Variants in PRKD2 observed in about 807,000 individuals in gnomAD.
PRKD2 encodes serine/threonine-protein kinase D2.
A neutral mutation model predicts 86.0 loss-of-function variants in PRKD2; 22 were observed. The observed-to-expected ratio is 0.26, with a 90% CI of 0.18 to 0.37. PRKD2 has a LOEUF of 0.37. Among genes scored for constraint, PRKD2 ranks in the 10% least tolerant of loss-of-function variants. PRKD2 has a pLI of 1.00. For synonymous variants in PRKD2, 509 were observed against 510.9 expected, an observed-to-expected ratio of 1.00 and a Z score of 0.05; for missense variants, 818 against 1,199.2, an observed-to-expected ratio of 0.68 and a Z score of 4.70.
chr19:46,678,378 T>C lies in PRKD2; in HGVS notation c.2338+18A>G. The C allele has an allele frequency of 6.2e-7, 1 of 1,611,378 alleles. No individual in the cohort carries two copies. Among genetic ancestry groups the C allele is most frequent in the Non-Finnish European group, 8.5e-7 (1 of 1,179,168 alleles). On this transcript the variant is annotated intron_variant, in intron 16 of 17. Transcript: ENST00000291281. This position sits in a 1 kb window ranked among gnomAD's most constrained non-coding sequence, Gnocchi z 5.7. ...CCCCACAACCCACCCGCCCATGGGGTAGGCGGGCCCCAGGCACCTCCAGCT... is the reference window on the plus strand; with the variant it reads ...CCCCACAACCCACCCGCCCATGGGGCAGGCGGGCCCCAGGCACCTCCAGCT...
intron 7 of PRKD2, among the ~76,000 whole-genome samples, chr19:46,699,334 C>A (rs940317244): frequency 7.2e-5 from 11 of 152,222 alleles, no homozygotes; most frequent in African/African-American, 2.2e-4. Flanking sequence ...ATTACCAATA[C>A]CCGATGCTAT....
chr19:46,708,809 C>T (rs144481895), intron 3 of PRKD2, among the ~76,000 whole-genome samples: 133 of 152,238 alleles, frequency 8.7e-4, no homozygotes, highest in African/African-American at 3.1e-3. Flanking sequence ...TTAAGCCACG[C>T]AGGGTGGTAT....
chr19:46,697,375 A>AC (rs1235138445), intron 8 of PRKD2, 141 bp from the exon 9 acceptor site: 2 of 608,100 alleles, frequency 3.3e-6, no homozygotes, highest in Non-Finnish European at 5.7e-6. Context: ...CCGTAACCCC[A>AC]CCCCACCACA....
At chr19:46,685,525 CAGAGAGAG>C (rs141157195) in intron 14 of PRKD2, 1 of 150,022 alleles carries the variant, frequency 6.7e-6, no homozygotes, top group African/African-American at 2.4e-5. Flanking sequence ...CAGAAATCTG[CAGAGAGAG>C]AGAGAGAGAG....
chr19:46,692,442 G>GTC (rs2053496963), intron 10 of PRKD2, among the ~76,000 whole-genome samples: 1 of 152,006 alleles, frequency 6.6e-6, no homozygotes, highest in South Asian at 2.1e-4. Flanking sequence ...CCATTTGAAT[G>GTC]TCTCTCTCTT....
intron 2 of PRKD2, among the ~76,000 whole-genome samples, 171 bp from the exon 3 acceptor site, chr19:46,711,209 C>T (rs1001489394): frequency 2.0e-5 from 3 of 152,108 alleles, no homozygotes; most frequent in African/African-American, 7.2e-5. Context: ...CCAGCTCCAC[C>T]CCTGAACAAA....
chr19:46,681,399 C>T (rs540813064), intron 15 of PRKD2, among the ~76,000 whole-genome samples: 11 of 151,912 alleles, frequency 7.2e-5, no homozygotes, highest in Middle Eastern at 3.4e-3. Flanking sequence ...GGACTATAGG[C>T]GCACGCCACC....
chr19:46,709,947 G>C (rs1268830272), intron 3 of PRKD2, among the ~76,000 whole-genome samples: 1 of 151,856 alleles, frequency 6.6e-6, no homozygotes, highest in Non-Finnish European at 1.5e-5. Flanking sequence ...CACCAGGCTG[G>C]AGTGCAGTGG....
intron 13 of PRKD2, among the ~76,000 whole-genome samples, 186 bp from the exon 14 acceptor site, chr19:46,689,884 G>C (rs561496566): frequency 6.6e-6 from 1 of 152,266 alleles, no homozygotes; most frequent in South Asian, 2.1e-4. Flanking sequence ...CACCTGCCAG[G>C]TGCCCAGAAG....
In PRKD2 at chr19:46,678,768, T is replaced by C. The variant is rs2122556184; in HGVS notation, c.2071-105A>G. On this transcript the variant is annotated intron_variant, in intron 15 of 17. Coordinates refer to ENST00000291281, the MANE Select transcript of PRKD2 (RefSeq NM_016457.5). This position sits in a 1 kb window ranked among gnomAD's most constrained non-coding sequence, Gnocchi z 5.7. ...TGGTATTCCAGAGAAAGCTGGATGC[T>C]GGTTTGAATCCAGGCTCCTTGGCTC... 2.2e-6 allele frequency: 3 copies of C among 1,359,204 alleles called. No individual in the cohort carries two copies. Among genetic ancestry groups the C allele is most frequent in the Admixed American group, 2.3e-5 (1 of 43,536 alleles). 84.2% of individuals were successfully genotyped at this position (1,359,204 alleles called of 1,614,324 possible).
intron 14 of PRKD2, among the ~76,000 whole-genome samples, chr19:46,688,356 A>G (rs2053430450): frequency 6.6e-6 from 1 of 151,454 alleles, no homozygotes; most frequent in Non-Finnish European, 1.5e-5. Context: ...CTGATCATTT[A>G]TTTTTTATAA....
At chr19:46,681,040 G>A (rs1278187353) in intron 15 of PRKD2, among the ~76,000 whole-genome samples, 3 of 143,040 alleles carry the variant, frequency 2.1e-5, no homozygotes, top group Non-Finnish European at 3.0e-5. Flanking sequence ...TGCAAGCTCC[G>A]CCTCCCGGGT....
chr19:46,694,434 A>C (rs1374915672), intron 9 of PRKD2, among the ~76,000 whole-genome samples: 2 of 151,986 alleles, frequency 1.3e-5, no homozygotes, highest in Admixed American at 6.6e-5. Context: ...GTCTCTACTG[A>C]AAATACAAAA....
rs2053886966 is a variant in PRKD2, at chr19:46,716,836, T to G, written c.-466A>C. ...TCACCTTGGGGGTGGAGGGCAGGAG[T>G]CTCTGAGTCGGGGACCGAGTGGATT... On this transcript the variant is annotated 5_prime_UTR_variant, in exon 1 of 18. Transcript: ENST00000291281. The surrounding 1 kb of genome is among the most constrained non-coding windows in gnomAD (Gnocchi z 7.9). 1 of 148,248 alleles carries G rather than the reference T, an allele frequency of 6.7e-6. No individual in the cohort carries two copies. Among genetic ancestry groups the G allele is most frequent in the Non-Finnish European group, 1.5e-5 (1 of 67,424 alleles). The allele number at this position is 148,248 out of a possible 1,614,324, so 9.2% of individuals were successfully genotyped here.
chr19:46,694,148 A>G lies in PRKD2; in HGVS notation c.1318-15T>C, dbSNP rs1292370482. The G allele has an allele frequency of 1.2e-6, 2 of 1,612,410 alleles. No homozygotes were observed. The highest frequency in any genetic ancestry group is 1.3e-5 in the African/African-American group (1 of 74,922). ...AGCGGAATTTCCTGCAGGACGTGGAACCAGCACAGGTGAGGATGCCAGGCA... is the reference window on the plus strand; with the variant it reads ...AGCGGAATTTCCTGCAGGACGTGGAGCCAGCACAGGTGAGGATGCCAGGCA... On this transcript the variant is annotated splice_polypyrimidine_tract_variant and intron_variant, in intron 9 of 17. Coordinates refer to ENST00000291281, the MANE Select transcript of PRKD2 (RefSeq NM_016457.5).
chr19:46,693,900 G>A lies in PRKD2; in HGVS notation c.1551C>T (p.Pro517=). The part of the protein sequence containing the change: ...ALMPVILQDA[P]SAPGHAPHRQ... Reference sequence around the variant, plus strand: ...TGTGGGGCGCGTGGCCTGGGGCGCTGGGTGCGTCCTGAAGGATGACGGGCA... The same window carrying A: ...TGTGGGGCGCGTGGCCTGGGGCGCTAGGTGCGTCCTGAAGGATGACGGGCA... The change falls in exon 10 of 18, where the codon CCC becomes CCT. Residue 517 remains proline, a synonymous_variant. Coordinates refer to ENST00000291281, the MANE Select transcript of PRKD2 (RefSeq NM_016457.5). This position sits in a 1 kb window ranked among gnomAD's most constrained non-coding sequence, Gnocchi z 4.5. 2 of 1,606,208 alleles carry A rather than the reference G, an allele frequency of 1.2e-6. No homozygotes were observed. The highest frequency in any genetic ancestry group is 1.7e-6 in the Non-Finnish European group (2 of 1,177,458).
intron 16 of PRKD2, 97 bp from the exon 17 acceptor site, chr19:46,675,215 T>A: frequency 1.0e-6 from 1 of 1,002,994 alleles, no homozygotes; most frequent in Non-Finnish European, 1.5e-6. Context: ...ATCAACACCT[T>A]CCTTCTGCAC....
intron 1 of PRKD2, among the ~76,000 whole-genome samples, chr19:46,715,298 A>G (rs2053867973): frequency 6.6e-6 from 1 of 152,048 alleles, no homozygotes; most frequent in Non-Finnish European, 1.5e-5. Flanking sequence ...CTAGGAATCT[A>G]ATATTCCAGC....
chr19:46,691,336 GA>G (rs1170078663), intron 12 of PRKD2, among the ~76,000 whole-genome samples: 10 of 152,002 alleles, frequency 6.6e-5, no homozygotes, highest in African/African-American at 2.4e-4. Flanking sequence ...CCAGAGTGCA[GA>G]ATCTACCCTC....
Sources: allele counts gnomAD v4.1 joint callset (sites outside exome capture counted in the v4.1 genomes callset), GRCh38; gene constraint gnomAD v4.1.1; non-coding constraint Gnocchi (gnomAD v3.1); transcripts MANE v1.5; gene names NCBI Gene and HGNC (gene_info 2026-07-23, HGNC 2026-07-21).